Variants in CFTR observed in about 807,000 individuals in gnomAD.
CFTR encodes cystic fibrosis transmembrane conductance regulator.
Under a neutral mutation model 171.6 loss-of-function variants are expected in CFTR, and 181 were observed. That is an observed-to-expected ratio of 1.05 (90% confidence interval 0.93 to 1.19). The LOEUF (loss-of-function observed/expected upper bound fraction) is 1.19, where lower values mean the gene tolerates loss of function less well. CFTR is among the 50% of genes most tolerant of loss of function. CFTR has a pLI of 0.00. For missense variants in CFTR, 1,968 were observed against 1,734.7 expected, an observed-to-expected ratio of 1.13 and a Z score of -2.39; for synonymous variants, 583 against 608.0, an observed-to-expected ratio of 0.96 and a Z score of 0.60.
chr7:117,605,106 T>C (rs187263148), intron 17 of CFTR: 12 of 152,374 alleles, frequency 7.9e-5, no homozygotes, highest in African/African-American at 2.9e-4. Context: ...GGTTCCCTTC[T>C]GTGGGGTTTT....
chr7:117,547,255 T>A (rs937173842), intron 9 of CFTR, among the ~76,000 whole-genome samples: 3 of 152,318 alleles, frequency 2.0e-5, no homozygotes, highest in Middle Eastern at 6.8e-3. Flanking sequence ...AGTTAACTTA[T>A]AAATTTTTCA....
chr7:117,599,367 G>C (rs1055136432), intron 15 of CFTR, among the ~76,000 whole-genome samples: 15 of 151,974 alleles, frequency 9.9e-5, no homozygotes, highest in African/African-American at 3.4e-4. Context: ...CCTTTAAAAT[G>C]GTATATACTT....
At chr7:117,573,679 C>T (rs1791728609) in intron 11 of CFTR, among the ~76,000 whole-genome samples, 1 of 152,000 alleles carries the variant, frequency 6.6e-6, no homozygotes, top group South Asian at 2.1e-4. Context: ...TTAAACCATG[C>T]TGAGAAAATT....
rs1244015495 is a variant in CFTR at position 117,667,483 on chromosome 7, T to C, written c.*375T>C. On this transcript the variant is annotated 3_prime_UTR_variant, in exon 27 of 27. Coordinates refer to ENST00000003084, the MANE Select transcript of CFTR (RefSeq NM_000492.4). ...TCTAGTGAAACTCGTTAATTTGTAG[T>C]GTTGGAGAAGAACTGAAATCATACT... 7 of 340,410 alleles carry C rather than the reference T, an allele frequency of 2.1e-5. No individual in the cohort carries two copies. Among genetic ancestry groups the C allele is most frequent in the Non-Finnish European group, 3.4e-5 (6 of 174,506 alleles). 21.1% of individuals were successfully genotyped at this position (340,410 alleles called of 1,614,324 possible).
chr7:117,589,746 CA>C (rs2116023607), intron 12 of CFTR, among the ~76,000 whole-genome samples: 1 of 152,104 alleles, frequency 6.6e-6, no homozygotes, highest in South Asian at 2.1e-4. Flanking sequence ...ATCAATTATA[CA>C]GTTGTGGCAG....
At chr7:117,651,492 T>C (rs1793089568) in intron 23 of CFTR, among the ~76,000 whole-genome samples, 1 of 152,176 alleles carries the variant, frequency 6.6e-6, no homozygotes, top group Non-Finnish European at 1.5e-5. Context: ...AGAAATTACT[T>C]TTATTTACAT....
intron 24 of CFTR, 49 bp from the exon 25 acceptor site, chr7:117,664,639 T>A: frequency 6.5e-7 from 1 of 1,539,790 alleles, no homozygotes; most frequent in East Asian, 2.2e-5. Flanking sequence ...TGTCAACTGC[T>A]TGAGTGTTTT....
chr7:117,642,638 T>A, intron 23 of CFTR, 45 bp downstream of exon 23: 1 of 1,582,188 alleles, frequency 6.3e-7, no homozygotes, highest in Non-Finnish European at 8.7e-7. Flanking sequence ...TAAATTATAT[T>A]TTTTACTGCT....
chr7:117,562,559 C>T (rs1021823097), intron 11 of CFTR, among the ~76,000 whole-genome samples: 2 of 152,138 alleles, frequency 1.3e-5, no homozygotes, highest in Non-Finnish European at 2.9e-5. Context: ...AGTGATTCCA[C>T]TTTATGTCCC....
At chr7:117,556,898 C>A (rs1472456494) in intron 10 of CFTR, among the ~76,000 whole-genome samples, 1 of 152,108 alleles carries the variant, frequency 6.6e-6, no homozygotes, top group Non-Finnish European at 1.5e-5. Context: ...TAAAACCAAA[C>A]AAGCTTTCCA....
chr7:117,555,975 G>C (rs1160111233), intron 10 of CFTR, among the ~76,000 whole-genome samples: 1 of 151,854 alleles, frequency 6.6e-6, no homozygotes, highest in Non-Finnish European at 1.5e-5. Context: ...GTTGATAAAG[G>C]GTCAATGGTA....
At chr7:117,612,023 GTATATA>G (rs772661286) in intron 20 of CFTR, among the ~76,000 whole-genome samples, 36 of 53,230 alleles carry the variant, frequency 6.8e-4, no homozygotes, top group South Asian at 1.8e-3. Context: ...ATATATATAT[GTATATA>G]TATATATATA....
At chr7:117,633,756 T>C (rs1792786089) in intron 22 of CFTR, among the ~76,000 whole-genome samples, 1 of 152,130 alleles carries the variant, frequency 6.6e-6, no homozygotes, top group Non-Finnish European at 1.5e-5. Flanking sequence ...ACTATTGATT[T>C]GAGCACTTTA....
At position 117,558,010 on chromosome 7, in the gene CFTR, G is replaced by A. The variant is rs533220624; in HGVS notation, c.1393-1454G>A. Among the ~76,000 whole-genome samples the A allele has an allele frequency of 2.0e-5, 3 of 152,158 alleles. No homozygotes were observed. The East Asian group carries it at 5.8e-4, about 29-fold the overall frequency. On this transcript the variant is annotated intron_variant, in intron 10 of 26. Transcript: ENST00000003084. ...CATTTTGACCATTTTTAAGGGCATA[G>A]CTCTGTGGCATAAAGTATACTCACA... is the stretch of plus-strand genomic sequence containing the variant.
intron 10 of CFTR, among the ~76,000 whole-genome samples, chr7:117,555,031 A>T (rs1231269781): frequency 2.6e-5 from 4 of 152,186 alleles, no homozygotes; most frequent in Non-Finnish European, 2.9e-5. Flanking sequence ...GCATGGGTCC[A>T]CTTATTTGTG....
chr7:117,647,562 A>T (rs982292768), intron 23 of CFTR: 12 of 151,856 alleles, frequency 7.9e-5, no homozygotes, highest in African/African-American at 2.9e-4. Context: ...GTTCATGAGA[A>T]ATCCACCCCC....
At chr7:117,532,206 A>G (rs1431733715) in intron 4 of CFTR, among the ~76,000 whole-genome samples, 2 of 152,202 alleles carry the variant, frequency 1.3e-5, no homozygotes, top group Non-Finnish European at 2.9e-5. Flanking sequence ...ATTTTACGTA[A>G]GTGAAGACTT....
At chr7:117,500,278 CTT>C (rs745627454) in intron 1 of CFTR, among the ~76,000 whole-genome samples, 13 of 76,482 alleles carry the variant, frequency 1.7e-4, no homozygotes, top group East Asian at 1.1e-3. Flanking sequence ...TTCTTCCTTT[CTT>C]TTTTTTTTTT....
chr7:117,665,820 C>CT (rs1584849573), intron 26 of CFTR, among the ~76,000 whole-genome samples: 2 of 152,112 alleles, frequency 1.3e-5, no homozygotes, highest in East Asian at 3.8e-4. Flanking sequence ...GATATATATA[C>CT]TTTTTGAGCC....
Sources: allele counts gnomAD v4.1 joint callset (sites outside exome capture counted in the v4.1 genomes callset), GRCh38; gene constraint gnomAD v4.1.1; transcripts MANE v1.5; gene names NCBI Gene and HGNC (gene_info 2026-07-23, HGNC 2026-07-21).